The following KCNN3 variants were observed in gnomAD, a reference collection of about 807,000 sequenced individuals.
The protein encoded by KCNN3 is potassium calcium-activated channel subfamily N member 3.
KCNN3 carries 16 observed loss-of-function variants against 62.9 expected under a neutral mutation model. The observed-to-expected ratio is 0.25, with a 90% CI of 0.17 to 0.39. The LOEUF (loss-of-function observed/expected upper bound fraction) is 0.39. Ranked by LOEUF, KCNN3 falls within the 10% of genes least tolerant of loss-of-function variation. KCNN3 has a pLI of 1.00. For synonymous variants in KCNN3, 370 were observed against 389.2 expected (o/e 0.95, Z 0.58); for missense variants, 599 against 949.4 (o/e 0.63, Z 4.85).
chr1:154,709,131 G>A (rs999281796), intron 7 of KCNN3, among the ~76,000 whole-genome samples: 14 of 152,116 alleles, frequency 9.2e-5, no homozygotes, highest in Admixed American at 2.6e-4. Flanking sequence ...CAGGGGTGCC[G>A]GCCGATTACC....
chr1:154,868,254 T>C (rs1653028493), intron 1 of KCNN3: 1 of 985,532 alleles, frequency 1.0e-6, no homozygotes, highest in Non-Finnish European at 1.2e-6. Context: ...TCTGCCCAGG[T>C]AACACCTGTA....
At chr1:154,793,450 A>G (rs1649601291) in intron 2 of KCNN3, among the ~76,000 whole-genome samples, 1 of 152,242 alleles carries the variant, frequency 6.6e-6, no homozygotes, top group Non-Finnish European at 1.5e-5. Context: ...ACCCCAATGC[A>G]GCCTAGAGAC....
chr1:154,829,558 G>A (rs758625489), intron 1 of KCNN3, among the ~76,000 whole-genome samples: 7 of 152,112 alleles, frequency 4.6e-5, no homozygotes, highest in Non-Finnish European at 1.0e-4. Context: ...CCCAGTGGGC[G>A]GAAAGCTGAG....
intron 1 of KCNN3, among the ~76,000 whole-genome samples, chr1:154,847,350 A>C (rs1220667754): frequency 6.6e-6 from 1 of 152,114 alleles, no homozygotes; most frequent in Admixed American, 6.5e-5. Flanking sequence ...ACCCAGCTGG[A>C]TCCCTGGGCA....
chr1:154,704,708 G>T lies in KCNN3; in HGVS notation c.*3268C>A, dbSNP rs1699931095. On this transcript the variant is annotated 3_prime_UTR_variant, in exon 8 of 8. Coordinates refer to ENST00000271915, the MANE Select transcript of KCNN3 (RefSeq NM_002249.6). ...CTGCCATTGGGTCAGTCCTCTAGGA[G>T]TGGGCAGATCTTGATCAGTACAGTA... 3.3e-5 allele frequency: 5 copies of T among 152,090 alleles called. No homozygotes were observed. Among genetic ancestry groups the T allele is most frequent in the Admixed American group, 3.3e-4 (5 of 15,262 alleles). 9.4% of individuals were successfully genotyped at this position (152,090 alleles called of 1,614,324 possible).
intron 5 of KCNN3, among the ~76,000 whole-genome samples, chr1:154,719,150 C>T (rs906085758): frequency 6.6e-6 from 1 of 152,052 alleles, no homozygotes; most frequent in Non-Finnish European, 1.5e-5. Flanking sequence ...CTCCAGCAGC[C>T]CCAGGAGCCC....
chr1:154,826,915 G>A (rs1172219902), intron 1 of KCNN3, among the ~76,000 whole-genome samples: 1 of 152,204 alleles, frequency 6.6e-6, no homozygotes, highest in African/African-American at 2.4e-5. Context: ...ATAATGATGC[G>A]CAGGCTCCTT....
intron 3 of KCNN3, among the ~76,000 whole-genome samples, chr1:154,746,494 T>C (rs773528631): frequency 3.9e-5 from 6 of 152,222 alleles, no homozygotes; most frequent in Non-Finnish European, 7.3e-5. Context: ...TGGCCTGCAC[T>C]GTTACTCTTG....
At chr1:154,714,356 T>TG (rs1700170684) in intron 6 of KCNN3, among the ~76,000 whole-genome samples, 1 of 117,138 alleles carries the variant, frequency 8.5e-6, no homozygotes, top group Non-Finnish European at 1.7e-5. Flanking sequence ...GTGTGTATGG[T>TG]GTGTGTATGG....
chr1:154,859,133 G>T (rs950785977), intron 1 of KCNN3, among the ~76,000 whole-genome samples: 8 of 152,220 alleles, frequency 5.3e-5, no homozygotes, highest in African/African-American at 1.9e-4. Context: ...CTTGGGAGAA[G>T]GTAACATCAC....
chr1:154,713,218 C>T (rs1487453849), intron 7 of KCNN3, among the ~76,000 whole-genome samples: 5 of 152,176 alleles, frequency 3.3e-5, no homozygotes, highest in Admixed American at 6.5e-5. Flanking sequence ...ATTAATTTCA[C>T]GCAGAGACAC....
At chr1:154,829,216 C>A (rs1037895544) in intron 1 of KCNN3, among the ~76,000 whole-genome samples, 1 of 152,212 alleles carries the variant, frequency 6.6e-6, no homozygotes, top group Non-Finnish European at 1.5e-5. Context: ...GGTCAGGGGG[C>A]CCTGGAGGAC....
intron 3 of KCNN3, among the ~76,000 whole-genome samples, chr1:154,741,559 T>A (rs1700822470): frequency 6.6e-6 from 1 of 152,234 alleles, no homozygotes. Flanking sequence ...GAGCTTGGAG[T>A]CAGTTCTCAC....
intron 2 of KCNN3, among the ~76,000 whole-genome samples, chr1:154,782,939 G>A (rs762818361): frequency 4.6e-5 from 7 of 152,234 alleles, no homozygotes; most frequent in African/African-American, 1.4e-4. Context: ...TCGGCTGGGC[G>A]CGGAGGCTCA....
At chr1:154,863,866 G>A (rs1652860818) in intron 1 of KCNN3, among the ~76,000 whole-genome samples, 1 of 152,164 alleles carries the variant, frequency 6.6e-6, no homozygotes, top group South Asian at 2.1e-4. Flanking sequence ...TCTTTCCCCA[G>A]GACAGTTATA....
At chr1:154,727,131 C>A (rs944125592) in intron 4 of KCNN3, among the ~76,000 whole-genome samples, 8 of 152,236 alleles carry the variant, frequency 5.3e-5, no homozygotes, top group Non-Finnish European at 1.2e-4. Context: ...AGCGGACTCC[C>A]GTCAGAGACC....
intron 2 of KCNN3, among the ~76,000 whole-genome samples, chr1:154,818,765 C>T (rs1650772546): frequency 6.6e-6 from 1 of 152,214 alleles, no homozygotes; most frequent in African/African-American, 2.4e-5. Context: ...TTATAAATTA[C>T]CCAGCTTGGG....
chr1:154,778,821 C>T (rs1185771115), intron 2 of KCNN3, among the ~76,000 whole-genome samples: 5 of 152,004 alleles, frequency 3.3e-5, no homozygotes, highest in East Asian at 3.9e-4. Flanking sequence ...AGGCTGGTCT[C>T]GAACTCCTGA....
intron 2 of KCNN3, among the ~76,000 whole-genome samples, chr1:154,801,347 A>G (rs1649946902): frequency 6.6e-6 from 1 of 152,132 alleles, no homozygotes; most frequent in East Asian, 1.9e-4. Flanking sequence ...TTCTATCCAC[A>G]ATCATTAGGG....
Sources: allele counts gnomAD v4.1 joint callset (sites outside exome capture counted in the v4.1 genomes callset), GRCh38; gene constraint gnomAD v4.1.1; transcripts MANE v1.5; gene names NCBI Gene and HGNC (gene_info 2026-07-23, HGNC 2026-07-21).